Variants in IQCM observed in about 807,000 individuals in gnomAD.
IQCM encodes the protein IQ domain-containing protein M.
In IQCM, 45 loss-of-function variants were observed where a neutral mutation model predicts 57.6. That is an observed-to-expected ratio of 0.78 (90% CI 0.62 to 1.00). The LOEUF is 1.00. Ranked by LOEUF, IQCM falls within the 50% of genes least tolerant of loss-of-function variation. The pLI, the probability that IQCM is intolerant of heterozygous loss-of-function variation, is 0.00. For synonymous variants in IQCM, 148 were observed against 158.9 expected (o/e 0.93, Z 0.51); for missense variants, 468 against 511.6 (o/e 0.91, Z 0.82).
intron 7 of IQCM, among the ~76,000 whole-genome samples, chr4:149,679,353 T>A (rs1244682967): frequency 6.6e-6 from 1 of 151,478 alleles, no homozygotes; most frequent in Non-Finnish European, 1.5e-5. Flanking sequence ...AGAGTAGATT[T>A]GTGGTTATCA....
intron 13 of IQCM, among the ~76,000 whole-genome samples, chr4:149,394,374 T>C (rs540399197): frequency 6.6e-6 from 1 of 152,144 alleles, no homozygotes; most frequent in East Asian, 1.9e-4. Flanking sequence ...GTTCCCAATT[T>C]TTAAAAATCT....
chr4:149,602,571 C>A (rs1436344316), intron 8 of IQCM, among the ~76,000 whole-genome samples: 1 of 152,016 alleles, frequency 6.6e-6, no homozygotes, highest in Non-Finnish European at 1.5e-5. Context: ...TGTATACTTA[C>A]CTAAATCTTA....
At chr4:149,696,221 C>T (rs1763329234) in intron 5 of IQCM, among the ~76,000 whole-genome samples, 1 of 152,132 alleles carries the variant, frequency 6.6e-6, no homozygotes, top group Admixed American at 6.6e-5. Context: ...CATGGTAGCA[C>T]ACCCAATGAA....
chr4:149,556,158 T>C lies in IQCM; in HGVS notation c.949-2871A>G, dbSNP rs949940182. 6.6e-5 allele frequency among the ~76,000 whole-genome samples: 10 copies of C among 152,320 alleles called. No homozygotes were observed. The East Asian group carries it at 1.7e-3, about 26-fold the overall frequency. ...CAAATTTCTACTTACAACAGCAATA[T>C]TGCAATATAAAGTTATTATAAATTA... On this transcript the variant is annotated intron_variant, in intron 10 of 13. Transcript: ENST00000636793.
intron 9 of IQCM, among the ~76,000 whole-genome samples, chr4:149,572,903 G>A (rs935046677): frequency 2.6e-5 from 4 of 151,886 alleles, no homozygotes; most frequent in African/African-American, 9.6e-5. Flanking sequence ...TCTCAATTGC[G>A]TAATCTACTT....
intron 7 of IQCM, among the ~76,000 whole-genome samples, chr4:149,643,014 A>T (rs892411968): frequency 4.7e-5 from 7 of 150,452 alleles, no homozygotes; most frequent in African/African-American, 1.2e-4. Context: ...CCTTTTTTAA[A>T]TTTTTTAAAT....
At chr4:149,516,401 C>A (rs1560939375) in intron 12 of IQCM, among the ~76,000 whole-genome samples, 1 of 152,190 alleles carries the variant, frequency 6.6e-6, no homozygotes, top group Admixed American at 6.5e-5. Flanking sequence ...AAGGCACTCA[C>A]TTTACAGCTA....
At chr4:149,383,346 A>C (rs1419294425) in intron 13 of IQCM, among the ~76,000 whole-genome samples, 2 of 152,150 alleles carry the variant, frequency 1.3e-5, no homozygotes, top group East Asian at 3.9e-4. Context: ...TAAGTAAAAA[A>C]CGAATACCTT....
Position 149,548,453 on chromosome 4 carries a change from A to G in IQCM, c.1228+2T>C. The G allele has an allele frequency of 8.1e-7, 1 of 1,231,944 alleles. No individual in the cohort carries two copies. The highest frequency in any genetic ancestry group is 1.0e-6 in the Non-Finnish European group (1 of 987,838). The allele number at this position is 1,231,944 out of a possible 1,614,324, so 76.3% of individuals were successfully genotyped here. On this transcript the variant is annotated splice_donor_variant, in intron 12 of 13. Transcript: ENST00000636793. LOFTEE classifies it high-confidence loss of function. ...GGGAAAAAGAAATGAGAAACTACTC[A>G]CCTTGATGGACCAGGTCCCAAGTAT...
chr4:149,811,384 G>A (rs1580356912), intron 2 of IQCM, among the ~76,000 whole-genome samples: 1 of 152,094 alleles, frequency 6.6e-6, no homozygotes, highest in East Asian at 1.9e-4. Flanking sequence ...TATGTTTGTG[G>A]CATCATTCTA....
intron 12 of IQCM, among the ~76,000 whole-genome samples, chr4:149,441,630 C>T (rs547911286): frequency 1.1e-4 from 17 of 152,172 alleles, no homozygotes; most frequent in South Asian, 4.1e-4. Context: ...TCCATTAATA[C>T]GGTTTCTGTC....
intron 12 of IQCM, among the ~76,000 whole-genome samples, chr4:149,437,840 G>A (rs550478248): frequency 2.4e-4 from 36 of 152,230 alleles, no homozygotes; most frequent in African/African-American, 7.9e-4. Context: ...CACTCAAAAT[G>A]CATGGGCAAG....
chr4:149,652,865 T>G (rs1175259707), intron 7 of IQCM, among the ~76,000 whole-genome samples: 1 of 152,132 alleles, frequency 6.6e-6, no homozygotes, highest in Non-Finnish European at 1.5e-5. Context: ...ATCTTGAAAC[T>G]GAAGGACATA....
intron 5 of IQCM, among the ~76,000 whole-genome samples, chr4:149,704,554 T>C (rs150136533): frequency 6.6e-6 from 1 of 151,894 alleles, no homozygotes; most frequent in Non-Finnish European, 1.5e-5. Context: ...TAGATTAGGA[T>C]TAATTTCAGG....
chr4:149,623,491 G>A (rs1398737275), intron 7 of IQCM, among the ~76,000 whole-genome samples: 4 of 152,088 alleles, frequency 2.6e-5, no homozygotes, highest in African/African-American at 9.7e-5. Context: ...AAATCCTCAA[G>A]GTAATCATTC....
In IQCM at chr4:149,591,991, T is replaced by C. The variant is rs190302538; in HGVS notation, c.682-3994A>G. Among the ~76,000 whole-genome samples, 94 of 152,256 alleles carry C rather than the reference T, an allele frequency of 6.2e-4. 3 individuals carry two copies. Among genetic ancestry groups the C allele is most frequent in the African/African-American group, 2.1e-3 (87 of 41,554 alleles). ...CCAGTAACGGGATGGCTGGGTCAAA[T>C]GGTATTTCCAGTTCTAGATCTTTGA... On this transcript the variant is annotated intron_variant, in intron 8 of 13. Coordinates refer to ENST00000636793, the MANE Select transcript of IQCM (RefSeq NM_001363507.2).
chr4:149,765,096 A>C (rs1769910986), intron 2 of IQCM, among the ~76,000 whole-genome samples: 2 of 145,258 alleles, frequency 1.4e-5, no homozygotes, highest in African/African-American at 4.9e-5. Context: ...AAAAATTACC[A>C]AAAAAAATTT....
Position 149,573,189 on chromosome 4 carries a change from G to A in IQCM, c.750-9299C>T, listed in dbSNP as rs768521613. 6.0e-5 allele frequency among the ~76,000 whole-genome samples: 9 copies of A among 150,954 alleles called. No homozygotes were observed. The East Asian group carries it at 1.6e-3, about 26-fold the overall frequency. ...CAAAAATTGATATTAAAAGAATAAG[G>A]TTATTAAATTATATACATTATATAA... is the stretch of plus-strand genomic sequence containing the variant. On this transcript the variant is annotated intron_variant, in intron 9 of 13. Transcript: ENST00000636793.
rs1222537530 is a variant in IQCM, at chr4:149,790,308, T to C, written c.-49+25003A>G. 6 of 232,702 alleles carry C rather than the reference T, an allele frequency of 2.6e-5. No individual in the cohort carries two copies. In the East Asian group the frequency reaches 3.1e-4, roughly 12 times the overall value. The allele number at this position is 232,702 out of a possible 1,614,324, so 14.4% of individuals were successfully genotyped here. On this transcript the variant is annotated intron_variant, in intron 2 of 13. Coordinates refer to ENST00000636793, the MANE Select transcript of IQCM (RefSeq NM_001363507.2). ...CCTGCTAGTTATGTTTCATGAATCATGTATTCTGCATTTGCGAGCTGCCTT... is the reference window on the plus strand; with the variant it reads ...CCTGCTAGTTATGTTTCATGAATCACGTATTCTGCATTTGCGAGCTGCCTT...
Sources: allele counts gnomAD v4.1 joint callset (sites outside exome capture counted in the v4.1 genomes callset), GRCh38; gene constraint gnomAD v4.1.1; transcripts MANE v1.5; gene names NCBI Gene and HGNC (gene_info 2026-07-23, HGNC 2026-07-21).